SYN3: variants seen among roughly 807,000 people sequenced by gnomAD.
The protein encoded by SYN3 is synapsin III, also known as synapsin-3.
In SYN3, 35 loss-of-function variants were observed where a neutral mutation model predicts 65.8. That is an observed-to-expected ratio of 0.53 (90% CI 0.41 to 0.70). The LOEUF is 0.70. SYN3 is among the 30% of genes least tolerant of loss of function. The pLI is 0.00. For synonymous variants in SYN3, 270 were observed against 292.9 expected (o/e 0.92, Z 0.80); for missense variants, 680 against 749.0 (o/e 0.91, Z 1.08).
intron 6 of SYN3, among the ~76,000 whole-genome samples, chr22:32,685,200 A>T (rs112939797): frequency 0.01 from 1,555 of 152,266 alleles, 22 homozygotes; most frequent in African/African-American, 0.035. Context: ...TGCTCTACAA[A>T]CACAAGGTAG....
chr22:32,723,872 G>A (rs886210287), intron 6 of SYN3, among the ~76,000 whole-genome samples: 11 of 152,230 alleles, frequency 7.2e-5, no homozygotes, highest in African/African-American at 1.9e-4. Flanking sequence ...GCCGTGCCAC[G>A]TGAGGGGGCC....
chr22:32,769,113 T>C (rs1237082170), intron 6 of SYN3, among the ~76,000 whole-genome samples: 1 of 152,234 alleles, frequency 6.6e-6, no homozygotes, highest in Non-Finnish European at 1.5e-5. Flanking sequence ...ATCATTTCCA[T>C]TCATTTCAAC....
intron 4 of SYN3, among the ~76,000 whole-genome samples, chr22:32,887,885 C>T (rs1233127535): frequency 6.6e-6 from 1 of 152,126 alleles, no homozygotes; most frequent in Admixed American, 6.6e-5. Flanking sequence ...ATGGTTGGCT[C>T]ATACGGTGCC....
At chr22:32,553,383 A>G (rs1372856124) in intron 7 of SYN3, among the ~76,000 whole-genome samples, 2 of 152,250 alleles carry the variant, frequency 1.3e-5, no homozygotes, top group African/African-American at 2.4e-5. Flanking sequence ...ATGGCAAAAA[A>G]GGTAAAAGAT....
At chr22:32,546,450 C>T (rs1236022951) in intron 7 of SYN3, among the ~76,000 whole-genome samples, 1 of 152,126 alleles carries the variant, frequency 6.6e-6, no homozygotes, top group South Asian at 2.1e-4. Flanking sequence ...GTAGGTGCTA[C>T]GCTCTCTGAG....
intron 7 of SYN3, among the ~76,000 whole-genome samples, chr22:32,564,918 A>T (rs980771650): frequency 6.8e-6 from 1 of 147,022 alleles, no homozygotes; most frequent in Non-Finnish European, 1.5e-5. Flanking sequence ...GATTACACCC[A>T]AACAGTGCTC....
At chr22:32,805,197 C>T (rs1242345179) in intron 6 of SYN3, among the ~76,000 whole-genome samples, 2 of 152,154 alleles carry the variant, frequency 1.3e-5, no homozygotes, top group Non-Finnish European at 2.9e-5. Flanking sequence ...TGTTCGGGGC[C>T]TGCCTCTGAG....
At chr22:32,828,761 C>G (rs371939994) in intron 6 of SYN3, among the ~76,000 whole-genome samples, 1 of 152,190 alleles carries the variant, frequency 6.6e-6, no homozygotes, top group South Asian at 2.1e-4. Context: ...CTTTCCTTCC[C>G]TGTGTTTGCC....
chr22:32,624,407 A>G (rs137948611), intron 6 of SYN3, among the ~76,000 whole-genome samples: 1 of 152,220 alleles, frequency 6.6e-6, no homozygotes, highest in Non-Finnish European at 1.5e-5. Context: ...GTGGATACAC[A>G]CCTGCCCGGT....
intron 6 of SYN3, among the ~76,000 whole-genome samples, chr22:32,623,633 T>G (rs934910028): frequency 3.3e-5 from 5 of 152,234 alleles, no homozygotes; most frequent in Admixed American, 3.3e-4. Flanking sequence ...AATCCAGACG[T>G]GCCACTTCCC....
In SYN3 at chr22:32,650,755, C is replaced by G. The variant is rs184033239; in HGVS notation, c.712-54019G>C. 2.0e-5 allele frequency among the ~76,000 whole-genome samples: 3 copies of G among 152,282 alleles called. No individual in the cohort carries two copies. The East Asian group carries it at 5.8e-4, about 29-fold the overall frequency. On this transcript the variant is annotated intron_variant, in intron 6 of 13. Coordinates refer to ENST00000358763, the MANE Select transcript of SYN3 (RefSeq NM_003490.4). ...AGAGAGTATGCTCTGACTCACTATG[C>G]CGCGTGTTTACTGTACAGCGCTGTG... is the stretch of plus-strand genomic sequence containing the variant.
At chr22:32,711,158 A>G (rs975212039) in intron 6 of SYN3, among the ~76,000 whole-genome samples, 1 of 152,200 alleles carries the variant, frequency 6.6e-6, no homozygotes, top group Non-Finnish European at 1.5e-5. Flanking sequence ...GCAAACTGGA[A>G]TGGGTTGGTC....
intron 12 of SYN3, chr22:32,519,386 C>G (rs1481337711): frequency 6.6e-6 from 1 of 151,904 alleles, no homozygotes; most frequent in African/African-American, 2.4e-5. Context: ...TTAACTCTTA[C>G]TTTTTGAGTT....
At chr22:32,954,539 G>A (rs980683869) in intron 3 of SYN3, among the ~76,000 whole-genome samples, 1 of 152,234 alleles carries the variant, frequency 6.6e-6, no homozygotes, top group African/African-American at 2.4e-5. Context: ...ACACCATTCT[G>A]CCAAATGCTC....
chr22:33,027,904 G>A (rs1447358678), intron 1 of SYN3, among the ~76,000 whole-genome samples: 6 of 152,178 alleles, frequency 3.9e-5, no homozygotes, highest in Non-Finnish European at 5.9e-5. Context: ...TTTATTGAAC[G>A]TTGGTTCATT....
At chr22:32,773,784 G>C (rs1192663393) in intron 6 of SYN3, among the ~76,000 whole-genome samples, 1 of 152,154 alleles carries the variant, frequency 6.6e-6, no homozygotes, top group Non-Finnish European at 1.5e-5. Context: ...AAGTATTACA[G>C]GGCCTGCAAC....
intron 1 of SYN3, among the ~76,000 whole-genome samples, chr22:33,044,943 A>T (rs763260401): frequency 1.3e-5 from 2 of 151,426 alleles, no homozygotes; most frequent in Non-Finnish European, 2.9e-5. Context: ...CCCGGGTTCA[A>T]GCGACTCTCC....
At chr22:32,858,271 C>A in intron 6 of SYN3, 1 of 1,260,146 alleles carries the variant, frequency 7.9e-7, no homozygotes, top group Non-Finnish European at 1.1e-6. Context: ...GGCAGAGGGG[C>A]AGGTCTGAGC....
rs936212236 is a variant in SYN3 at position 32,507,988 on chromosome 22, T to C, written c.*5704A>G. 5.3e-5 allele frequency among the ~76,000 whole-genome samples: 8 copies of C among 152,042 alleles called. No individual in the cohort carries two copies. Among genetic ancestry groups the C allele is most frequent in the African/African-American group, 1.5e-4 (6 of 41,350 alleles). On this transcript the variant is annotated 3_prime_UTR_variant, in exon 14 of 14. Transcript: ENST00000358763. ...AGAAACATCGCCCATTCTCTCTCCA[T>C]ACCACCCCCCAAAAATTTTCGTCGC... is the stretch of plus-strand genomic sequence containing the variant.
Sources: allele counts gnomAD v4.1 joint callset (sites outside exome capture counted in the v4.1 genomes callset), GRCh38; gene constraint gnomAD v4.1.1; transcripts MANE v1.5; gene names NCBI Gene and HGNC (gene_info 2026-07-23, HGNC 2026-07-21).